JPH3: variants seen among roughly 807,000 people sequenced by gnomAD.
JPH3 encodes the protein junctophilin-3.
A neutral mutation model predicts 59.6 loss-of-function variants in JPH3; 11 were observed. The observed-to-expected ratio is 0.18, with a 90% CI of 0.12 to 0.31. The LOEUF (loss-of-function observed/expected upper bound fraction) is 0.31. JPH3 is among the 10% of genes least tolerant of loss of function. JPH3 has a pLI of 1.00. For synonymous variants in JPH3, 673 were observed against 483.6 expected, an observed-to-expected ratio of 1.39 and a Z score of -5.14; for missense variants, 1,202 against 1,105.7, an observed-to-expected ratio of 1.09 and a Z score of -1.24.
At chr16:87,616,393 CT>C (rs771927980) in intron 1 of JPH3, among the ~76,000 whole-genome samples, 2 of 149,706 alleles carry the variant, frequency 1.3e-5, no homozygotes, top group African/African-American at 2.5e-5. Context: ...GCCACCACGC[CT>C]GGTTAAGTTT....
intron 1 of JPH3, among the ~76,000 whole-genome samples, chr16:87,638,254 C>G (rs1292825243): frequency 6.6e-6 from 1 of 152,174 alleles, no homozygotes; most frequent in Non-Finnish European, 1.5e-5. Context: ...GAGATGGGGT[C>G]TCACTATGTT....
At chr16:87,676,750 T>C (rs965153796) in intron 2 of JPH3, among the ~76,000 whole-genome samples, 1 of 149,034 alleles carries the variant, frequency 6.7e-6, no homozygotes, top group African/African-American at 2.6e-5. Context: ...AAAATTGTTA[T>C]CTCAGCCAGG....
intron 4 of JPH3, among the ~76,000 whole-genome samples, chr16:87,691,073 A>C (rs2033557922): frequency 1.4e-5 from 2 of 142,566 alleles, no homozygotes; most frequent in Non-Finnish European, 3.0e-5. Flanking sequence ...ACTCACCGTC[A>C]GCCTCACCCA....
intron 2 of JPH3, chr16:87,654,449 C>T (rs1357602774): frequency 6.6e-6 from 1 of 152,252 alleles, no homozygotes; most frequent in Non-Finnish European, 1.5e-5. Context: ...AGGAGAGGAA[C>T]TTCCTAATAA....
intron 2 of JPH3, chr16:87,654,110 A>ACATCTG (rs1236549546): frequency 6.6e-6 from 1 of 152,166 alleles, no homozygotes; most frequent in African/African-American, 2.4e-5. Context: ...GATATTCTGC[A>ACATCTG]CATCTGCCCA....
chr16:87,616,190 TTGTGTGTGTGTGTGTGTGTG>T (rs56053716), intron 1 of JPH3, among the ~76,000 whole-genome samples: 6 of 116,018 alleles, frequency 5.2e-5, no homozygotes, highest in African/African-American at 1.0e-4. Context: ...CAATCTGGTT[TTGTGTGTGTGTGTGTGTGTG>T]TGTGTGTGTG....
chr16:87,655,306 C>G (rs1001354168), intron 2 of JPH3, among the ~76,000 whole-genome samples: 2 of 152,226 alleles, frequency 1.3e-5, no homozygotes, highest in Middle Eastern at 3.4e-3. Flanking sequence ...CTTTGCTGAG[C>G]CTCTGTCTCC....
chr16:87,683,060 C>T (rs2033333298), intron 2 of JPH3, among the ~76,000 whole-genome samples: 1 of 152,218 alleles, frequency 6.6e-6, no homozygotes, highest in South Asian at 2.1e-4. Context: ...CTTCGTGTCA[C>T]ACATGGGTGT....
Position 87,677,104 on chromosome 16 carries a change from A to G in JPH3, c.1161-7038A>G, listed in dbSNP as rs764821584. On this transcript the variant is annotated intron_variant, in intron 2 of 4. Coordinates refer to ENST00000284262, the MANE Select transcript of JPH3 (RefSeq NM_020655.4). ...AACCCGGGAGGTGGAGCTTACAGTG[A>G]GCTGAGATCGTGCCACTGCAATCCA... Among the ~76,000 whole-genome samples the G allele has an allele frequency of 2.7e-4, 41 of 151,178 alleles. 1 individual carries two copies. The highest frequency in any genetic ancestry group is 4.2e-4 in the South Asian group (2 of 4,784).
chr16:87,689,755 C>T lies in JPH3; in HGVS notation c.1395C>T (p.Thr465=), dbSNP rs749165772. The T allele has an allele frequency of 2.9e-5, 47 of 1,612,052 alleles. No homozygotes were observed. In the East Asian group the frequency reaches 9.6e-4, roughly 33 times the overall value. ...QESPELYRKG[T]TPSDLTPDDS... is the part of the protein sequence containing the mutation. ...GCCCCGAGCTGTACCGCAAGGGCAC[C>T]ACTCCCTCCGACCTGACCCCCGACG... The change falls in exon 4 of 5, where the codon ACC becomes ACT. Residue 465 remains threonine (T), a synonymous_variant. Coordinates refer to ENST00000284262, the MANE Select transcript of JPH3 (RefSeq NM_020655.4).
rs766094676 is a variant in JPH3, at chr16:87,684,181, A to G, written c.1200A>G (p.Thr400=). 1 of 1,613,648 alleles carries G rather than the reference A, an allele frequency of 6.2e-7. No homozygotes were observed. Among genetic ancestry groups the G allele is most frequent in the African/African-American group, 1.3e-5 (1 of 74,892 alleles). ...GGGCAAAGGCCGAGGCAGCCCTCAC[A>G]GCAGCTCAGAAAGCCCAGGAGGAGG... The part of the protein sequence containing the change: ...HSRAKAEAAL[T]AAQKAQEEAR... Residue 400 remains threonine (T), a synonymous_variant, in exon 3 of 5, where the codon ACA becomes ACG. Transcript: ENST00000284262.
intron 2 of JPH3, among the ~76,000 whole-genome samples, chr16:87,652,196 C>T (rs943811167): frequency 2.0e-5 from 3 of 152,096 alleles, no homozygotes; most frequent in Non-Finnish European, 4.4e-5. Context: ...AGGATGGTCT[C>T]GATCTCCTGA....
At chr16:87,668,386 C>T (rs1340983316) in intron 2 of JPH3, among the ~76,000 whole-genome samples, 1 of 152,200 alleles carries the variant, frequency 6.6e-6, no homozygotes, top group Non-Finnish European at 1.5e-5. Flanking sequence ...CCGCAGACGC[C>T]CTTTCCAGAT....
intron 1 of JPH3, among the ~76,000 whole-genome samples, chr16:87,642,865 A>T (rs2032001132): frequency 6.6e-6 from 1 of 152,228 alleles, no homozygotes; most frequent in African/African-American, 2.4e-5. Flanking sequence ...AGGTCTGCTG[A>T]CCGGGTTTCC....
chr16:87,645,718 C>A (rs1353819490), intron 2 of JPH3, among the ~76,000 whole-genome samples: 1 of 152,056 alleles, frequency 6.6e-6, no homozygotes, highest in Non-Finnish European at 1.5e-5. Context: ...GGGGTGGGTG[C>A]AGGATGGGGC....
chr16:87,690,538 G>A lies in JPH3; in HGVS notation c.2166+12G>A, dbSNP rs191557856. 15 of 1,458,104 alleles carry A rather than the reference G, an allele frequency of 1.0e-5. No homozygotes were observed. The highest frequency in any genetic ancestry group is 1.4e-5 in the Non-Finnish European group (15 of 1,105,478). 90.3% of individuals were successfully genotyped at this position (1,458,104 alleles called of 1,614,324 possible). On this transcript the variant is annotated intron_variant, in intron 4 of 4. Coordinates refer to ENST00000284262, the MANE Select transcript of JPH3 (RefSeq NM_020655.4). The stretch of plus-strand genomic sequence containing the variant: ...TCAAGTCCAGTACGGTGAGTGGGCG[G>A]CCACCAGGCTGGTCCCAGTGGAGGC...
At position 87,689,985 on chromosome 16, in the gene JPH3, T is replaced by G; in HGVS notation, c.1625T>G (p.Val542Gly). The G allele has an allele frequency of 1.4e-6, 2 of 1,474,964 alleles. No individual in the cohort carries two copies. Among genetic ancestry groups the G allele is most frequent in the South Asian group, 2.8e-5 (2 of 71,566 alleles). The allele number at this position is 1,474,964 out of a possible 1,614,324, so 91.4% of individuals were successfully genotyped here. A position where few individuals can be genotyped will look rare whatever the true frequency, so the allele number is the denominator to read the frequency against. Residue 542 changes from valine to glycine, a missense_variant, in exon 4 of 5, where the codon GTC (valine) becomes GGC (glycine). Transcript: ENST00000284262. Reference sequence around the variant, plus strand: ...GAGCAGGCCGGGGGCTCCAGGGGTGTCCGCAGCGGTGCCCTGCGCGGCGGC... The same window carrying G: ...GAGCAGGCCGGGGGCTCCAGGGGTGGCCGCAGCGGTGCCCTGCGCGGCGGC... The part of the protein sequence containing the change: ...GEEQAGGSRG[V>G]RSGALRGGLL...
chr16:87,641,209 G>A (rs1026004775), intron 1 of JPH3, among the ~76,000 whole-genome samples: 2 of 152,148 alleles, frequency 1.3e-5, no homozygotes, highest in African/African-American at 2.4e-5. Flanking sequence ...CCTGGGGTCC[G>A]GTCCACATAC....
rs527564328 is a variant in JPH3 at position 87,643,190 on chromosome 16, G to A, written c.383-1068G>A. On this transcript the variant is annotated intron_variant, in intron 1 of 4. Transcript: ENST00000284262. ...GTTCACTCTGTGTAATGTCTTCAGC[G>A]TTCATCCACATTGCAGCCTGTGTGA... 1.1e-4 allele frequency among the ~76,000 whole-genome samples: 16 copies of A among 152,276 alleles called. No individual in the cohort carries two copies. The East Asian group carries it at 2.7e-3, about 26-fold the overall frequency.
Sources: allele counts gnomAD v4.1 joint callset (sites outside exome capture counted in the v4.1 genomes callset), GRCh38; gene constraint gnomAD v4.1.1; transcripts MANE v1.5; gene names NCBI Gene and HGNC (gene_info 2026-07-23, HGNC 2026-07-21).